The following ZNF676 variants were observed in gnomAD, a reference collection of about 807,000 sequenced individuals.
ZNF676 encodes the protein zinc finger protein 676.
A neutral mutation model predicts 6.0 loss-of-function variants in ZNF676; 4 were observed. That is an observed-to-expected ratio of 0.67 (90% CI 0.33 to 1.53). The LOEUF is 1.53. ZNF676 is among the 40% of genes most tolerant of loss of function. ZNF676 has a pLI of 0.06. For missense variants in ZNF676, 644 were observed against 679.7 expected, an observed-to-expected ratio of 0.95 and a Z score of 0.58; for synonymous variants, 198 against 223.1, an observed-to-expected ratio of 0.89 and a Z score of 1.00.
At chr19:22,235,757 C>A in the ZNF676 span, among the ~76,000 whole-genome samples, 2 of 152,108 alleles carry the variant, frequency 1.3e-5, no homozygotes, top group Admixed American at 6.6e-5. Flanking sequence ...AAGATTATGA[C>A]ACAAAGCCAG....
chr19:22,253,053 C>G, the ZNF676 span, among the ~76,000 whole-genome samples: 1 of 152,130 alleles, frequency 6.6e-6, no homozygotes, highest in African/African-American at 2.4e-5. Context: ...CCATAAGAGC[C>G]TCAATCCCTC....
chr19:22,246,309 G>A, the ZNF676 span, among the ~76,000 whole-genome samples: 1 of 151,818 alleles, frequency 6.6e-6, no homozygotes, highest in Non-Finnish European at 1.5e-5. Flanking sequence ...GGAAAGTCAT[G>A]TAACCTAGGT....
At chr19:22,224,707 T>C in the ZNF676 span, among the ~76,000 whole-genome samples, 1 of 152,208 alleles carries the variant, frequency 6.6e-6, no homozygotes, top group African/African-American at 2.4e-5. Context: ...GTGTACATTT[T>C]ATGGCCAGGC....
chr19:22,258,171 GA>G, the ZNF676 span, among the ~76,000 whole-genome samples: 1 of 152,050 alleles, frequency 6.6e-6, no homozygotes, highest in East Asian at 1.9e-4. Context: ...CCAGGCAAAA[GA>G]AAAAAGTCAC....
chr19:22,231,421 C>T, the ZNF676 span, among the ~76,000 whole-genome samples: 15 of 151,408 alleles, frequency 9.9e-5, no homozygotes, highest in African/African-American at 3.4e-4. Context: ...CAGAGACATA[C>T]ATTTAATAAA....
intron 1 of ZNF676, among the ~76,000 whole-genome samples, chr19:22,213,289 T>C (rs2024149070): frequency 6.6e-6 from 1 of 152,194 alleles, no homozygotes; most frequent in Non-Finnish European, 1.5e-5. Context: ...CACAAACTTT[T>C]TACCATTTTT....
At chr19:22,238,549 A>G in the ZNF676 span, among the ~76,000 whole-genome samples, 2 of 152,200 alleles carry the variant, frequency 1.3e-5, no homozygotes. Flanking sequence ...AAACACCAGA[A>G]TCAAAAAAAG....
the ZNF676 span, among the ~76,000 whole-genome samples, chr19:22,235,681 T>C: frequency 6.6e-6 from 1 of 152,144 alleles, no homozygotes; most frequent in Admixed American, 6.5e-5. Context: ...ATCAGCATAA[T>C]GTCATCAATG....
intron 2 of ZNF676, among the ~76,000 whole-genome samples, chr19:22,182,547 G>A (rs1396318551): frequency 1.8e-5 from 2 of 114,072 alleles, no homozygotes; most frequent in Non-Finnish European, 3.4e-5. Context: ...CAAAAGATTT[G>A]CAGGATAGAA....
chr19:22,249,697 C>T, the ZNF676 span, among the ~76,000 whole-genome samples: 1 of 151,828 alleles, frequency 6.6e-6, no homozygotes, highest in Non-Finnish European at 1.5e-5. Flanking sequence ...CAGGCGTGAG[C>T]CACCATGCCT....
intron 1 of ZNF676, 83 bp downstream of exon 1, chr19:22,196,514 ATCC>A (rs1388818571): frequency 1.9e-6 from 3 of 1,604,680 alleles, no homozygotes; most frequent in African/African-American, 1.3e-5. Flanking sequence ...TCTCGCATTC[ATCC>A]TCCTTTGTTC....
chr19:22,184,826 G>GAAAAAA lies in ZNF676; in HGVS notation c.131-3246_131-3241dup, dbSNP rs144833243. 6.8e-4 allele frequency among the ~76,000 whole-genome samples: 36 copies of GAAAAAA among 52,692 alleles called. 1 individual carries two copies. Among genetic ancestry groups the GAAAAAA allele is most frequent in the African/African-American group, 2.7e-3 (34 of 12,574 alleles). 34.6% of individuals were successfully genotyped at this position (52,692 alleles called of 152,430 possible). The stretch of plus-strand genomic sequence containing the variant: ...CCTCCTCTTTGGGCAGGGCATCTTT[G>GAAAAAA]AAAAAAAAAAAAAAAAAAAAAAAAA... On this transcript the variant is annotated intron_variant, in intron 2 of 2. Coordinates refer to ENST00000397121, the MANE Select transcript of ZNF676 (RefSeq NM_001001411.3).
chr19:22,253,364 G>GTATATATA, the ZNF676 span, among the ~76,000 whole-genome samples: 1 of 51,834 alleles, frequency 1.9e-5, no homozygotes, highest in African/African-American at 6.9e-5. Flanking sequence ...GTGTGTGTGT[G>GTATATATA]TGTGTGTGTA....
chr19:22,216,405 G>A (rs574226730), upstream of ZNF676, among the ~76,000 whole-genome samples: 1 of 151,990 alleles, frequency 6.6e-6, no homozygotes, highest in South Asian at 2.1e-4. Flanking sequence ...ATTGCACTGC[G>A]GCCTGGGCAA....
At chr19:22,182,462 T>C (rs2023768917) in intron 2 of ZNF676, among the ~76,000 whole-genome samples, 1 of 149,814 alleles carries the variant, frequency 6.7e-6, no homozygotes, top group South Asian at 2.1e-4. Flanking sequence ...ACTCAATGAG[T>C]GAAGCAGGAA....
chr19:22,238,661 T>C, the ZNF676 span, among the ~76,000 whole-genome samples: 2 of 152,160 alleles, frequency 1.3e-5, no homozygotes, highest in African/African-American at 4.8e-5. Context: ...TGTGCGTATA[T>C]ATACATATAT....
chr19:22,220,924 A>T, the ZNF676 span, among the ~76,000 whole-genome samples: 2,397 of 152,152 alleles, frequency 0.016, 74 homozygotes, highest in African/African-American at 0.054. Flanking sequence ...GCTTTGAATG[A>T]TCTTTTATTT....
At chr19:22,222,681 C>T in the ZNF676 span, among the ~76,000 whole-genome samples, 1 of 151,986 alleles carries the variant, frequency 6.6e-6, no homozygotes, top group Non-Finnish European at 1.5e-5. Context: ...TCTGTTGGGC[C>T]CCCATATTTA....
chr19:22,189,041 T>C (rs1429059393), intron 2 of ZNF676, among the ~76,000 whole-genome samples: 1 of 151,646 alleles, frequency 6.6e-6, no homozygotes, highest in Non-Finnish European at 1.5e-5. Flanking sequence ...AAATCTCACA[T>C]GGCCAAGGCA....
Sources: allele counts gnomAD v4.1 joint callset (sites outside exome capture counted in the v4.1 genomes callset), GRCh38; gene constraint gnomAD v4.1.1; transcripts MANE v1.5; gene names NCBI Gene and HGNC (gene_info 2026-07-23, HGNC 2026-07-21).